The following DHX32 variants were observed in gnomAD, a reference collection of about 807,000 sequenced individuals.
DHX32 encodes the protein putative pre-mRNA-splicing factor ATP-dependent RNA helicase DHX32.
Under a neutral mutation model 70.0 loss-of-function variants are expected in DHX32, and 51 were observed. The ratio of observed to expected loss-of-function variants is 0.73; its 90% CI spans 0.58 to 0.92. DHX32 has a LOEUF of 0.92. Among genes scored for constraint, DHX32 ranks in the 40% least tolerant of loss-of-function variants. DHX32 has a pLI of 0.00. For synonymous variants in DHX32, 310 were observed against 315.3 expected (o/e 0.98, Z 0.18); for missense variants, 762 against 891.8 (o/e 0.85, Z 1.85).
At chr10:125,837,047 G>T (rs1854713839) in intron 10 of DHX32, among the ~76,000 whole-genome samples, 192 bp from the exon 11 acceptor site, 1 of 152,174 alleles carries the variant, frequency 6.6e-6, no homozygotes, top group Admixed American at 6.6e-5. Flanking sequence ...CAATCCTGTT[G>T]CATTTCTAGA....
Position 125,880,758 on chromosome 10 carries a change from C to A in DHX32, c.67G>T (p.Asp23Tyr), listed in dbSNP as rs1457988623. ...TCTTCCTCATCCCCATCGCTGGAAT[C>A]CAGGGATTCAGGAAAATAGCGTTTT... ...SEKRYFPESLDSSDGDEEEVL... is the reference protein window; with the variant it reads ...SEKRYFPESLYSSDGDEEEVL... Residue 23 changes from aspartate (D) to tyrosine (Y), a missense_variant, in exon 1 of 11, where the codon GAT (aspartate) becomes TAT (tyrosine). Transcript: ENST00000284690. 8 of 1,614,078 alleles carry A rather than the reference C, an allele frequency of 5.0e-6. No homozygotes were observed. Among genetic ancestry groups the A allele is most frequent in the Non-Finnish European group, 6.8e-6 (8 of 1,180,038 alleles).
intron 3 of DHX32, among the ~76,000 whole-genome samples, chr10:125,855,861 T>C (rs1944142873): frequency 6.6e-6 from 1 of 152,244 alleles, no homozygotes; most frequent in East Asian, 1.9e-4. Flanking sequence ...TAAAACTTTT[T>C]AGTCATAGGT....
upstream of DHX32, among the ~76,000 whole-genome samples, chr10:125,882,199 T>G (rs1944321175): frequency 6.6e-6 from 1 of 152,170 alleles, no homozygotes; most frequent in Non-Finnish European, 1.5e-5. Flanking sequence ...TTAGTGTTGC[T>G]GGAAATAAGC....
At chr10:125,875,353 G>T (rs1217687147) in intron 1 of DHX32, among the ~76,000 whole-genome samples, 3 of 152,216 alleles carry the variant, frequency 2.0e-5, no homozygotes, top group Non-Finnish European at 4.4e-5. Context: ...CCGGCATGCG[G>T]AATGTACTAG....
At position 125,852,617 on chromosome 10, in the gene DHX32, T is replaced by G. The variant is rs201263763; in HGVS notation, c.1118A>C (p.Asn373Thr). The G allele has an allele frequency of 1.9e-6, 3 of 1,612,092 alleles. No homozygotes were observed. Among genetic ancestry groups the G allele is most frequent in the Non-Finnish European group, 2.5e-6 (3 of 1,179,518 alleles). Residue 373 changes from asparagine to threonine, a missense_variant, in exon 5 of 11, where the codon AAC becomes ACC. Asn to Thr is a moderately conservative substitution (Grantham distance 65, BLOSUM62 0). Around this residue, in one of 3 missense-constraint regions of DHX32, gnomAD observed 394 missense variants for 473.1 expected, o/e 0.83. Transcript: ENST00000284690. Reference sequence around the variant, plus strand: ...GCTGATGGGCTGCATGACGAGCGAGTTTGCTCTTATTCTCGGGTTGTACAC... The same window carrying G: ...GCTGATGGGCTGCATGACGAGCGAGGTTGCTCTTATTCTCGGGTTGTACAC... ...RKVYNPRIRA[N>T]SLVMQPISQS...
At chr10:125,849,414 T>A (rs1441389055) in intron 6 of DHX32, among the ~76,000 whole-genome samples, 2 of 152,244 alleles carry the variant, frequency 1.3e-5, no homozygotes, top group Non-Finnish European at 2.9e-5. Flanking sequence ...TTTACTTTAT[T>A]GTTTCCAAGA....
In DHX32 at chr10:125,859,607, T is replaced by TA. The variant is rs1944172389; in HGVS notation, c.844_845insT (p.Glu282ValfsTer5). On this transcript the variant is annotated frameshift_variant, in exon 3 of 11. Transcript: ENST00000284690. LOFTEE classifies it high-confidence loss of function. ...GTTAGAGTATCACTTACTTACTTGT[T>TA]CACAGGCCAGAAAGACTACAATGTC... is the stretch of plus-strand genomic sequence containing the variant. The TA allele has an allele frequency of 6.4e-7, 1 of 1,572,660 alleles. No individual in the cohort carries two copies. Among genetic ancestry groups the TA allele is most frequent in the South Asian group, 1.2e-5 (1 of 83,296 alleles).
At chr10:125,841,415 A>G in intron 7 of DHX32, 1 of 1,596,160 alleles carries the variant, frequency 6.3e-7, no homozygotes, top group Non-Finnish European at 8.5e-7. Context: ...AAACAGGCAC[A>G]CAACATTATT....
intron 1 of DHX32, 108 bp downstream of exon 1, chr10:125,880,435 T>C: frequency 8.5e-7 from 1 of 1,178,620 alleles, no homozygotes. Flanking sequence ...TAATGTTTTG[T>C]TTTTTGTTTT....
In DHX32 at chr10:125,869,580, A is replaced by C. The variant is rs1372223954; in HGVS notation, c.283-2397T>G. 3.3e-5 allele frequency: 5 copies of C among 152,230 alleles called. No individual in the cohort carries two copies. The East Asian group carries it at 9.7e-4, about 30-fold the overall frequency. 9.4% of individuals were successfully genotyped at this position (152,230 alleles called of 1,614,324 possible). Reference sequence around the variant, plus strand: ...GACAGAGTGAGACTCTGTCTCAAAAAAAAAAAAAAAATTTCTTTAGTAGAG... The same window carrying C: ...GACAGAGTGAGACTCTGTCTCAAAACAAAAAAAAAAATTTCTTTAGTAGAG... On this transcript the variant is annotated intron_variant, in intron 1 of 10. Coordinates refer to ENST00000284690, the MANE Select transcript of DHX32 (RefSeq NM_018180.3).
intron 6 of DHX32, among the ~76,000 whole-genome samples, chr10:125,843,942 G>C (rs114648171): frequency 1.3e-5 from 2 of 152,162 alleles, no homozygotes; most frequent in African/African-American, 4.8e-5. Context: ...CAAATATGTT[G>C]AATTTCCCTA....
chr10:125,836,529 T>G lies in DHX32; in HGVS notation c.*158A>C, dbSNP rs1432419524. ...GTAATTTAAAGAACTCAATAAAAACTTCTATTTTTTATTTTAAAATAATAT... is the reference window on the plus strand; with the variant it reads ...GTAATTTAAAGAACTCAATAAAAACGTCTATTTTTTATTTTAAAATAATAT... On this transcript the variant is annotated 3_prime_UTR_variant, in exon 11 of 11. Coordinates refer to ENST00000284690, the MANE Select transcript of DHX32 (RefSeq NM_018180.3). 63 of 1,338,484 alleles carry G rather than the reference T, an allele frequency of 4.7e-5. No individual in the cohort carries two copies. The highest frequency in any genetic ancestry group is 6.0e-5 in the Non-Finnish European group (61 of 1,023,152). 82.9% of individuals were successfully genotyped at this position (1,338,484 alleles called of 1,614,324 possible).
chr10:125,838,514 T>G, intron 9 of DHX32, 127 bp from the exon 10 acceptor site: 1 of 873,506 alleles, frequency 1.1e-6, no homozygotes, highest in Non-Finnish European at 1.6e-6. Flanking sequence ...TTGCCACTCA[T>G]GTTTCCTACT....
chr10:125,854,088 A>C lies in DHX32; in HGVS notation c.965T>G (p.Leu322Arg), dbSNP rs1194656322. 2 of 1,613,950 alleles carry C rather than the reference A, an allele frequency of 1.2e-6. No individual in the cohort carries two copies. Among genetic ancestry groups the C allele is most frequent in the Admixed American group, 3.3e-5 (2 of 59,994 alleles). Residue 322 changes from leucine to arginine, a missense_variant, in exon 4 of 11, where the codon CTC becomes CGC. Leu to Arg is a moderately radical substitution (Grantham distance 102). Coordinates refer to ENST00000284690, the MANE Select transcript of DHX32 (RefSeq NM_018180.3). ...PKEKCSLFKPLDETEKRCQVY... is the reference protein window; with the variant it reads ...PKEKCSLFKPRDETEKRCQVY... ...TTGGCATCTTTTTTCTGTTTCATCGAGTGGCTTGAACAATGAACATTTCTC... is the reference window on the plus strand; with the variant it reads ...TTGGCATCTTTTTTCTGTTTCATCGCGTGGCTTGAACAATGAACATTTCTC...
chr10:125,849,454 T>C (rs1944062993), intron 6 of DHX32, among the ~76,000 whole-genome samples: 1 of 152,260 alleles, frequency 6.6e-6, no homozygotes, highest in Non-Finnish European at 1.5e-5. Context: ...GAAAGTTGTT[T>C]TGGCATGTTT....
chr10:125,837,390 A>G (rs547799892), intron 10 of DHX32, among the ~76,000 whole-genome samples: 1 of 152,246 alleles, frequency 6.6e-6, no homozygotes, highest in South Asian at 2.1e-4. Context: ...CACTCTTGCC[A>G]TTGCCCCTCC....
At chr10:125,889,101 C>G (rs549874795) in intron 1 of DHX32, among the ~76,000 whole-genome samples, 1 of 152,296 alleles carries the variant, frequency 6.6e-6, no homozygotes, top group Non-Finnish European at 1.5e-5. Flanking sequence ...AGCAGCTCAG[C>G]AAAAGGAAAC....
At chr10:125,891,804 C>G (rs1334761128) in intron 1 of DHX32, among the ~76,000 whole-genome samples, 2 of 152,292 alleles carry the variant, frequency 1.3e-5, no homozygotes, top group Non-Finnish European at 2.9e-5. Flanking sequence ...TTTCAGCTCC[C>G]TTTTCTGACC....
At chr10:125,876,408 T>C (rs1589717015) in intron 1 of DHX32, among the ~76,000 whole-genome samples, 1 of 152,258 alleles carries the variant, frequency 6.6e-6, no homozygotes, top group Non-Finnish European at 1.5e-5. Context: ...TACAAATGTA[T>C]AATGAGAAAC....
Sources: allele counts gnomAD v4.1 joint callset (sites outside exome capture counted in the v4.1 genomes callset), GRCh38; gene constraint gnomAD v4.1.1; regional missense constraint gnomAD v4.1.1; transcripts MANE v1.5; gene names NCBI Gene and HGNC (gene_info 2026-07-23, HGNC 2026-07-21).